SCN3A: variants seen among roughly 807,000 people sequenced by gnomAD.
SCN3A encodes the protein sodium voltage-gated channel alpha subunit 3.
In SCN3A, 60 loss-of-function variants were observed where a neutral mutation model predicts 187.6. The observed-to-expected ratio is 0.32, with a 90% CI of 0.26 to 0.40. The LOEUF is 0.40. Ranked by LOEUF, SCN3A falls within the 10% of genes least tolerant of loss-of-function variation. The pLI, the probability that SCN3A is intolerant of heterozygous loss-of-function variation, is 1.00. For synonymous variants in SCN3A, 788 were observed against 829.2 expected, an observed-to-expected ratio of 0.95 and a Z score of 0.85; for missense variants, 1,601 against 2,428.2, an observed-to-expected ratio of 0.66 and a Z score of 7.16.
chr2:165,113,663 G>C (rs931377953), intron 20 of SCN3A, among the ~76,000 whole-genome samples, 153 bp downstream of exon 20: 7 of 152,178 alleles, frequency 4.6e-5, no homozygotes, highest in Non-Finnish European at 1.0e-4. Flanking sequence ...GTTCAGAACT[G>C]AATTTTGCAT....
At chr2:165,194,878 T>A (rs1486303588) in intron 1 of SCN3A, 1 of 151,742 alleles carries the variant, frequency 6.6e-6, no homozygotes. Context: ...ACCCAGAGAA[T>A]CTGTGTTTTT....
chr2:165,194,791 A>T (rs371749797), intron 1 of SCN3A: 1 of 152,000 alleles, frequency 6.6e-6, no homozygotes, highest in Admixed American at 6.6e-5. Context: ...TCACTTGACC[A>T]TATCTCCCCC....
At chr2:165,138,307 C>T (rs376402051) in intron 14 of SCN3A, among the ~76,000 whole-genome samples, 190 bp from the exon 15 acceptor site, 3 of 151,968 alleles carry the variant, frequency 2.0e-5, no homozygotes, top group South Asian at 2.1e-4. Context: ...TCATATAGAT[C>T]GACTTTTTTC....
chr2:165,187,105 C>T (rs1429181520), intron 1 of SCN3A, among the ~76,000 whole-genome samples: 2 of 152,138 alleles, frequency 1.3e-5, no homozygotes, highest in Non-Finnish European at 2.9e-5. Context: ...TTCCCCTTTG[C>T]TTCTTTTCCT....
intron 18 of SCN3A, among the ~76,000 whole-genome samples, chr2:165,121,356 A>G (rs1686666302): frequency 6.6e-6 from 1 of 152,210 alleles, no homozygotes; most frequent in African/African-American, 2.4e-5. Flanking sequence ...AAAGACTCTG[A>G]AAAGGAGGGA....
At chr2:165,130,532 A>C in intron 16 of SCN3A, 2 of 532,906 alleles carry the variant, frequency 3.8e-6, no homozygotes, top group East Asian at 6.5e-5. Context: ...AATAATAAAT[A>C]AAACATTTCT....
At chr2:165,155,264 G>A (rs1444895128) in intron 10 of SCN3A, among the ~76,000 whole-genome samples, 3 of 152,128 alleles carry the variant, frequency 2.0e-5, no homozygotes, top group Admixed American at 6.5e-5. Context: ...TGAGCAATTA[G>A]GATTCCTGGC....
rs561383051 is a variant in SCN3A at position 165,154,748 on chromosome 2, T to G, written c.1174-90A>C. On this transcript the variant is annotated intron_variant, in intron 10 of 27. Transcript: ENST00000283254. Reference sequence around the variant, plus strand: ...TACCACAGTTAGATAGTCAGTAGACTAATTAGCTTTTTAGTATCCAGTTTA... The same window carrying G: ...TACCACAGTTAGATAGTCAGTAGACGAATTAGCTTTTTAGTATCCAGTTTA... 12 of 1,282,396 alleles carry G rather than the reference T, an allele frequency of 9.4e-6. No homozygotes were observed. In the African/African-American group the frequency reaches 1.6e-4, roughly 17 times the overall value. The allele number at this position is 1,282,396 out of a possible 1,614,324, so 79.4% of individuals were successfully genotyped here.
Position 165,090,136 on chromosome 2 carries a change from T to A in SCN3A, c.*14A>T. 6.4e-7 allele frequency: 1 copy of A among 1,559,454 alleles called. No individual in the cohort carries two copies. The highest frequency in any genetic ancestry group is 1.9e-5 in the Admixed American group (1 of 52,092). The stretch of plus-strand genomic sequence containing the variant: ...TGTAAACAATTGATCACAAAGATAA[T>A]TCTTTGTTTCTTTTTACTTTTGATT... On this transcript the variant is annotated 3_prime_UTR_variant, in exon 28 of 28. Transcript: ENST00000283254. The surrounding 1 kb of genome is among the most constrained non-coding windows in gnomAD (Gnocchi z 4.0).
At chr2:165,195,468 CAG>C (rs1691893098) in intron 1 of SCN3A, 1 of 152,140 alleles carries the variant, frequency 6.6e-6, no homozygotes, top group Non-Finnish European at 1.5e-5. Flanking sequence ...AAAAGTCTAT[CAG>C]AAAGTATTGA....
intron 1 of SCN3A, chr2:165,195,239 G>A (rs866966474): frequency 6.6e-6 from 1 of 152,224 alleles, no homozygotes; most frequent in East Asian, 1.9e-4. Flanking sequence ...TAATCCTGAG[G>A]AGAAACCTAA....
intron 21 of SCN3A, among the ~76,000 whole-genome samples, chr2:165,106,621 G>A (rs1030882722): frequency 5.9e-5 from 9 of 152,330 alleles, no homozygotes; most frequent in African/African-American, 1.9e-4. Flanking sequence ...GAAAGTAACA[G>A]TAGATGCTGC....
chr2:165,091,997 T>C (rs1458399443), intron 27 of SCN3A: 2 of 535,088 alleles, frequency 3.7e-6, no homozygotes, highest in Non-Finnish European at 6.7e-6. Flanking sequence ...GGTTTAAGAT[T>C]AGGAGAGTAC....
At chr2:165,177,362 T>G (rs975542166) in intron 2 of SCN3A, among the ~76,000 whole-genome samples, 1 of 152,182 alleles carries the variant, frequency 6.6e-6, no homozygotes, top group African/African-American at 2.4e-5. Context: ...AATTCATCTA[T>G]AAAATGAGGG....
chr2:165,141,188 G>A (rs1687991713), intron 12 of SCN3A, among the ~76,000 whole-genome samples, 190 bp from the exon 13 acceptor site: 1 of 152,144 alleles, frequency 6.6e-6, no homozygotes, highest in African/African-American at 2.4e-5. Context: ...TAAGTACAAA[G>A]AGTGTTTTTC....
chr2:165,117,040 T>C (rs1686405870), intron 18 of SCN3A, among the ~76,000 whole-genome samples: 1 of 151,508 alleles, frequency 6.6e-6, no homozygotes, highest in Non-Finnish European at 1.5e-5. Flanking sequence ...ATTTTTCTGC[T>C]TCTTATAGCC....
rs202076476 is a variant in SCN3A at position 165,131,225 on chromosome 2, G to GAT, written c.2565+17_2565+18dup. 9.7e-4 allele frequency: 1,470 copies of GAT among 1,514,980 alleles called. 22 individuals carry two copies. The East Asian group carries it at 0.027, about 28-fold the overall frequency. 93.8% of individuals were successfully genotyped at this position (1,514,980 alleles called of 1,614,324 possible). On this transcript the variant is annotated intron_variant, in intron 16 of 27. Transcript: ENST00000283254. ...AAATGTTGTGCCAATGAGCGACAGGGATATATATAAATAGATACCAGTCTG... is the reference window on the plus strand; with the variant it reads ...AAATGTTGTGCCAATGAGCGACAGGGATATATATATAAATAGATACCAGTCTG...
At position 165,140,645 on chromosome 2, in the gene SCN3A, T is replaced by G; in HGVS notation, c.2019+6A>C. 1 of 1,610,752 alleles carries G rather than the reference T, an allele frequency of 6.2e-7. No homozygotes were observed. ...TGTCAGTAGCAGCTAGGTCATCTAT[T>G]ATCACCTCTGGGGGAAGTTGTCCAG... On this transcript the variant is annotated splice_donor_region_variant and intron_variant, in intron 13 of 27. Transcript: ENST00000283254. The surrounding 1 kb of genome is among the most constrained non-coding windows in gnomAD (Gnocchi z 4.2).
chr2:165,161,370 G>A (rs1481469815), intron 9 of SCN3A, among the ~76,000 whole-genome samples: 2 of 151,878 alleles, frequency 1.3e-5, no homozygotes, highest in Non-Finnish European at 2.9e-5. Flanking sequence ...AGGTCAAAGA[G>A]CTTACAAGTG....
Sources: allele counts gnomAD v4.1 joint callset (sites outside exome capture counted in the v4.1 genomes callset), GRCh38; gene constraint gnomAD v4.1.1; non-coding constraint Gnocchi (gnomAD v3.1); transcripts MANE v1.5; gene names NCBI Gene and HGNC (gene_info 2026-07-23, HGNC 2026-07-21).